Variants in MX2 observed in about 807,000 individuals in gnomAD.
MX2 encodes the protein interferon-induced GTP-binding protein Mx2.
In MX2, 51 loss-of-function variants were observed where a neutral mutation model predicts 74.0. The observed-to-expected ratio is 0.69, with a 90% CI of 0.55 to 0.87. The LOEUF is 0.87. Among genes scored for constraint, MX2 ranks in the 40% least tolerant of loss-of-function variants. The pLI is 0.00. For synonymous variants in MX2, 369 were observed against 339.3 expected (o/e 1.09, Z -0.96); for missense variants, 832 against 908.7 (o/e 0.92, Z 1.09).
chr21:41,376,545 CTCAACA>C (rs1393671196), intron 1 of MX2, among the ~76,000 whole-genome samples: 7 of 148,976 alleles, frequency 4.7e-5, no homozygotes, highest in Non-Finnish European at 7.5e-5. Context: ...GAGACCCTGT[CTCAACA>C]ACAACAACAA....
intron 6 of MX2, among the ~76,000 whole-genome samples, chr21:41,393,709 C>T (rs1324416104): frequency 1.4e-5 from 2 of 147,288 alleles, no homozygotes; most frequent in African/African-American, 5.3e-5. Context: ...ATCCCATCTA[C>T]ATGCCAGTGA....
At chr21:41,397,186 T>C (rs2089747173) in intron 7 of MX2, among the ~76,000 whole-genome samples, 1 of 152,214 alleles carries the variant, frequency 6.6e-6, no homozygotes, top group Non-Finnish European at 1.5e-5. Context: ...TGCTTAACCT[T>C]TCTGTGTCTC....
At chr21:41,396,082 A>G (rs2145943807) in intron 7 of MX2, among the ~76,000 whole-genome samples, 1 of 152,370 alleles carries the variant, frequency 6.6e-6, no homozygotes, top group Admixed American at 6.5e-5. Flanking sequence ...TAAGAGATAC[A>G]TAAGGCAGGT....
At chr21:41,375,036 G>A (rs912614997) in intron 1 of MX2, among the ~76,000 whole-genome samples, 2 of 152,068 alleles carry the variant, frequency 1.3e-5, no homozygotes, top group East Asian at 1.9e-4. Flanking sequence ...AGCTCATTCC[G>A]ACCTCAGGAC....
rs370990497 is a variant in MX2, at chr21:41,401,923, C to A, written c.1415-47C>A. 5.7e-6 allele frequency: 9 copies of A among 1,586,292 alleles called. No individual in the cohort carries two copies. In the African/African-American group the frequency reaches 1.1e-4, roughly 19 times the overall value. On this transcript the variant is annotated intron_variant, in intron 10 of 13. Transcript: ENST00000330714. ...AAAACTGTTGCTAGCTTTACGACGT[C>A]TGCAGAATTAGCAGAATTCACCATG...
chr21:41,407,055 G>T, intron 13 of MX2, 57 bp downstream of exon 13: 2 of 1,568,356 alleles, frequency 1.3e-6, no homozygotes, highest in Non-Finnish European at 1.7e-6. Flanking sequence ...GCTGAGTAGG[G>T]GCTATGCTAA....
chr21:41,393,577 T>TA lies in MX2; in HGVS notation c.872-2009dup, dbSNP rs551807363. 4.9e-3 allele frequency among the ~76,000 whole-genome samples: 741 copies of TA among 152,260 alleles called. 10 individuals are homozygous for TA. The highest frequency in any genetic ancestry group is 0.016 in the African/African-American group (673 of 41,542). ...ACTGGCCAGCTGGAAGTCACATTCT[T>TA]AGACTCCTTGTCTCCATGCCTCTTC... On this transcript the variant is annotated intron_variant, in intron 6 of 13. Transcript: ENST00000330714.
chr21:41,399,199 A>G lies in MX2; in HGVS notation c.1276A>G (p.Ile426Val), dbSNP rs1264128543. Residue 426 changes from isoleucine (I) to valine (V), a missense_variant, in exon 10 of 14, where the codon ATC becomes GTC. Physicochemically the swap from Ile to Val is conservative, Grantham distance 29. Coordinates refer to ENST00000330714, the MANE Select transcript of MX2 (RefSeq NM_002463.2). ...ATTGACTTTATATCATTTTCAGAAA[A>G]TCAAGATGTTTAATCAGGACATCGA... ...ADKMFFLIEK[I>V]KMFNQDIEKL... 3.1e-6 allele frequency: 5 copies of G among 1,613,370 alleles called. No homozygotes were observed. The highest frequency in any genetic ancestry group is 4.2e-6 in the Non-Finnish European group (5 of 1,179,874).
intron 1 of MX2, among the ~76,000 whole-genome samples, chr21:41,374,391 G>A (rs977121592): frequency 2.0e-5 from 3 of 152,220 alleles, no homozygotes; most frequent in Admixed American, 6.5e-5. Context: ...CCTGCCCCTC[G>A]CCGAGTGGAG....
intron 1 of MX2, chr21:41,373,083 G>A (rs1285335409): frequency 1.3e-5 from 2 of 152,226 alleles, no homozygotes; most frequent in Admixed American, 6.5e-5. Flanking sequence ...ATATCGTGCA[G>A]ATGGTGGGAA....
rs749482420 is a variant in MX2, at chr21:41,380,094, C to T, written c.520C>T (p.Arg174Trp). ...GGCATGGGCCGGAAGGATCAGCTAC[C>T]GGAACACCGAGCTAGAGCTTCAGGA... ...CEAWAGRISY[R>W]NTELELQDPG... The change falls in exon 4 of 14, where the codon CGG (arginine) becomes TGG (tryptophan). Residue 174 changes from arginine to tryptophan, a missense_variant. Arg to Trp is a moderately radical substitution (Grantham distance 101, BLOSUM62 -3). Transcript: ENST00000330714. The surrounding 1 kb of genome is among the most constrained non-coding windows in gnomAD (Gnocchi z 4.3). 16 of 1,613,992 alleles carry T rather than the reference C, an allele frequency of 9.9e-6. No homozygotes were observed. The highest frequency in any genetic ancestry group is 8.9e-5 in the East Asian group (4 of 44,886).
At chr21:41,404,045 C>A in intron 12 of MX2, 2 of 191,408 alleles carry the variant, frequency 1.0e-5, no homozygotes, top group Non-Finnish European at 2.2e-5. Flanking sequence ...TGCCTGGTCC[C>A]CAGTCACCAA....
chr21:41,384,413 G>A (rs917909831), intron 5 of MX2, among the ~76,000 whole-genome samples: 1 of 152,206 alleles, frequency 6.6e-6, no homozygotes, highest in African/African-American at 2.4e-5. Context: ...AAGCAAGTTG[G>A]TTGAGACGGC....
chr21:41,407,473 T>A (rs1316160000), intron 13 of MX2, among the ~76,000 whole-genome samples: 1 of 152,216 alleles, frequency 6.6e-6, no homozygotes, highest in Non-Finnish European at 1.5e-5. Context: ...GGCCTCTGAC[T>A]GTCTATCCAA....
chr21:41,399,291 G>T lies in MX2; in HGVS notation c.1368G>T (p.Glu456Asp). Residue 456 changes from glutamate (E) to aspartate (D), a missense_variant, in exon 10 of 14, where the codon GAG becomes GAT. Transcript: ENST00000330714. ...CCCGTTTATACAACAAAATCAGAGAGGATTTTAAAAACTGGGTAGGCATAC... is the reference window on the plus strand; with the variant it reads ...CCCGTTTATACAACAAAATCAGAGATGATTTTAAAAACTGGGTAGGCATAC... ...NETRLYNKIR[E>D]DFKNWVGILA... The T allele has an allele frequency of 1.2e-6, 2 of 1,613,976 alleles. No individual in the cohort carries two copies. The highest frequency in any genetic ancestry group is 1.7e-6 in the Non-Finnish European group (2 of 1,179,896).
chr21:41,387,944 T>C (rs940017922), intron 5 of MX2, among the ~76,000 whole-genome samples: 1 of 151,958 alleles, frequency 6.6e-6, no homozygotes, highest in Non-Finnish European at 1.5e-5. Flanking sequence ...TTTCTCCTCC[T>C]CTCACACGAC....
At chr21:41,375,309 G>A (rs1380800553) in intron 1 of MX2, among the ~76,000 whole-genome samples, 1 of 152,380 alleles carries the variant, frequency 6.6e-6, no homozygotes, top group African/African-American at 2.4e-5. Flanking sequence ...CAATAACCAC[G>A]TGGTGGAAAG....
At position 41,401,909 on chromosome 21, in the gene MX2, T is replaced by G. The variant is rs1331875021; in HGVS notation, c.1415-61T>G. On this transcript the variant is annotated intron_variant, in intron 10 of 13. Transcript: ENST00000330714. The stretch of plus-strand genomic sequence containing the variant: ...GAGCAAGACTTTATAAAACTGTTGC[T>G]AGCTTTACGACGTCTGCAGAATTAG... The G allele has an allele frequency of 6.4e-6, 10 of 1,555,810 alleles. No individual in the cohort carries two copies. In the East Asian group the frequency reaches 1.8e-4, roughly 28 times the overall value.
intron 7 of MX2, among the ~76,000 whole-genome samples, chr21:41,396,129 G>T (rs914925772): frequency 9.2e-5 from 14 of 152,100 alleles, no homozygotes; most frequent in African/African-American, 3.1e-4. Context: ...GAATAATGAG[G>T]TCAAACAAAT....
Sources: gnomAD v4.1 joint callset for allele counts (sites outside exome capture counted in the v4.1 genomes callset) on GRCh38, gnomAD v4.1.1 for gene constraint, Gnocchi (gnomAD v3.1) non-coding constraint, MANE v1.5 for transcripts, NCBI Gene and HGNC (gene_info 2026-07-23, HGNC 2026-07-21) for gene names.